Variants in ASB9 observed in about 807,000 individuals in gnomAD.
The protein encoded by ASB9 is ankyrin repeat and SOCS box containing 9, also known as ankyrin repeat and SOCS box protein 9.
ASB9 carries 5 observed loss-of-function variants against 16.6 expected under a neutral mutation model. The ratio of observed to expected loss-of-function variants is 0.30; its 90% CI spans 0.16 to 0.63. The LOEUF is 0.63. ASB9 is among the 30% of genes least tolerant of loss of function. The pLI is 0.82. For synonymous variants in ASB9, 100 were observed against 86.4 expected (o/e 1.16, Z -0.87); for missense variants, 216 against 229.4 (o/e 0.94, Z 0.38).
At chrX:15,252,537 T>A in intron 3 of ASB9, 133 bp from the exon 4 acceptor site, 2 of 656,761 alleles carry the variant, frequency 3.0e-6, no homozygotes, top group Non-Finnish European at 4.4e-6. Flanking sequence ...GAGAAATAAC[T>A]ACGAAATTCC....
chrX:15,260,658 C>T (rs1477942537), intron 1 of ASB9, among the ~76,000 whole-genome samples: 3 of 111,887 alleles, frequency 2.7e-5, no homozygotes, highest in African/African-American at 9.8e-5. Context: ...TACATACAAA[C>T]AAGGTAGAAA....
intron 5 of ASB9, among the ~76,000 whole-genome samples, chrX:15,250,103 G>A (rs1332221607): frequency 1.8e-5 from 2 of 111,656 alleles, no homozygotes; most frequent in South Asian, 3.8e-4. Flanking sequence ...AAGTTATGCA[G>A]GGCTTAATAA....
chrX:15,258,761 G>C (rs1602152012), intron 2 of ASB9, 105 bp downstream of exon 2: 1 of 588,392 alleles, frequency 1.7e-6, no homozygotes, highest in East Asian at 3.4e-5. Flanking sequence ...TCACCACTAG[G>C]TCTTCTATTT....
chrX:15,254,770 A>T lies in ASB9; in HGVS notation c.249T>A (p.Ser83=), dbSNP rs766676737. 8.3e-7 allele frequency: 1 copy of T among 1,210,845 alleles called. No homozygotes were observed. Among genetic ancestry groups the T allele is most frequent in the East Asian group, 3.0e-5 (1 of 33,840 alleles). ...CATGCTTTAATAAAATCTTCACACAAGAGAGATGACCTCCAAGACAGGCTT... is the reference window on the plus strand; with the variant it reads ...CATGCTTTAATAAAATCTTCACACATGAGAGATGACCTCCAAGACAGGCTT... ...LHEACLGGHL[S]CVKILLKHGA... The change falls in exon 3 of 7, where the codon TCT becomes TCA. Residue 83 remains serine (S), a synonymous_variant. Coordinates refer to ENST00000380488, the MANE Select transcript of ASB9 (RefSeq NM_001031739.3).
Position 15,250,543 on chromosome X carries a change from G to T in ASB9, c.455C>A (p.Ser152Tyr), listed in dbSNP as rs767380080. ...AATGTTGCCCCCATAAGCTATAAGAGAGTTGACACACTCCACGTGGCCTGC... is the reference window on the plus strand; with the variant it reads ...AATGTTGCCCCCATAAGCTATAAGATAGTTGACACACTCCACGTGGCCTGC... ...ARRGHVECVN[S>Y]LIAYGGNIDH... Residue 152 changes from serine to tyrosine, a missense_variant, in exon 5 of 7, where the codon TCT becomes TAT. Transcript: ENST00000380488. 8.3e-7 allele frequency: 1 copy of T among 1,206,274 alleles called. No individual in the cohort carries two copies. Among genetic ancestry groups the T allele is most frequent in the South Asian group, 1.8e-5 (1 of 56,306 alleles).
chrX:15,253,578 C>T (rs907275813), intron 3 of ASB9, among the ~76,000 whole-genome samples: 51 of 111,271 alleles, frequency 4.6e-4, no homozygotes, highest in African/African-American at 9.8e-4. Context: ...CCAGCCTGGG[C>T]GACAGAGCGA....
chrX:15,244,075 G>T lies in ASB9; in HGVS notation c.*431C>A, dbSNP rs964966786. 6 of 120,852 alleles carry T rather than the reference G, an allele frequency of 5.0e-5. No homozygotes were observed. The highest frequency in any genetic ancestry group is 1.6e-4 in the African/African-American group (5 of 30,833). The allele number at this position is 120,852 out of a possible 1,213,427, so 10.0% of individuals were successfully genotyped here. ...CAGTGATGCTGGAAAAGCCTGCCTC[G>T]ATCAAGTCATCACATAAGTTAATGT... is the stretch of plus-strand genomic sequence containing the variant. On this transcript the variant is annotated 3_prime_UTR_variant, in exon 7 of 7. Coordinates refer to ENST00000380488, the MANE Select transcript of ASB9 (RefSeq NM_001031739.3).
chrX:15,255,040 G>A lies in ASB9; in HGVS notation c.175-196C>T, dbSNP rs192248088. On this transcript the variant is annotated intron_variant, in intron 2 of 6. Coordinates refer to ENST00000380488, the MANE Select transcript of ASB9 (RefSeq NM_001031739.3). The stretch of plus-strand genomic sequence containing the variant: ...GAGTGTGGTATGGTATAACCACTCA[G>A]GAAAACAGTTTGACTGTATCTATTA... 4.3e-3 allele frequency among the ~76,000 whole-genome samples: 473 copies of A among 110,585 alleles called. 2 individuals are homozygous for A. The highest frequency in any genetic ancestry group is 7.7e-3 in the Non-Finnish European group (410 of 52,923).
At chrX:15,246,233 A>G (rs1924656263) in intron 6 of ASB9, among the ~76,000 whole-genome samples, 1 of 111,848 alleles carries the variant, frequency 8.9e-6, no homozygotes, top group African/African-American at 3.3e-5. Context: ...GTGTATTAAT[A>G]ACTACTGATG....
Position 15,244,488 on chromosome X carries a change from T to A in ASB9, c.*18A>T. On this transcript the variant is annotated 3_prime_UTR_variant, in exon 7 of 7. Transcript: ENST00000380488. The stretch of plus-strand genomic sequence containing the variant: ...ATAATGTTTTCACATCGTTTGTGAA[T>A]CCATTCCCTAGATGCATTTAAAGAT... 4 of 1,186,109 alleles carry A rather than the reference T, an allele frequency of 3.4e-6. No individual in the cohort carries two copies. Among genetic ancestry groups the A allele is most frequent in the Non-Finnish European group, 4.6e-6 (4 of 873,168 alleles).
intron 1 of ASB9, among the ~76,000 whole-genome samples, chrX:15,263,084 C>G (rs1163284091): frequency 3.6e-5 from 4 of 112,135 alleles, no homozygotes; most frequent in African/African-American, 1.3e-4. Context: ...ATTTGTGGAA[C>G]ATTTTTTTCA....
At chrX:15,262,495 G>A (rs911854318) in intron 1 of ASB9, among the ~76,000 whole-genome samples, 2 of 112,470 alleles carry the variant, frequency 1.8e-5, no homozygotes, top group African/African-American at 6.5e-5. Flanking sequence ...GAAGAAAAAC[G>A]TGAGTCCCTG....
At position 15,270,073 on chromosome X, in the gene ASB9, C is replaced by A; in HGVS notation, c.-199G>T. ...CTACCTGTGATCAGAGAGAGGCATG[C>A]GCTCGTGTACACACACACACACACA... On this transcript the variant is annotated 5_prime_UTR_variant, in exon 1 of 7. Transcript: ENST00000380488. The A allele has an allele frequency of 5.7e-6, 2 of 353,386 alleles. No individual in the cohort carries two copies. Among genetic ancestry groups the A allele is most frequent in the Non-Finnish European group, 9.5e-6 (2 of 209,680 alleles). 29.1% of individuals were successfully genotyped at this position (353,386 alleles called of 1,213,427 possible). A position where few individuals can be genotyped will look rare whatever the true frequency, so the allele number is the denominator to read the frequency against.
intron 5 of ASB9, among the ~76,000 whole-genome samples, chrX:15,249,188 G>C (rs1317669262): frequency 8.9e-6 from 1 of 112,292 alleles, no homozygotes; most frequent in African/African-American, 3.2e-5. Context: ...ACTGTACATA[G>C]ATAGGCATGA....
intron 1 of ASB9, among the ~76,000 whole-genome samples, chrX:15,259,320 A>C (rs1196163627): frequency 8.9e-6 from 1 of 112,588 alleles, no homozygotes; most frequent in Non-Finnish European, 1.9e-5. Context: ...CTGTCAGTCT[A>C]GTTTCCTGCA....
At chrX:15,256,055 CAG>C (rs1925508207) in intron 2 of ASB9, among the ~76,000 whole-genome samples, 1 of 111,316 alleles carries the variant, frequency 9.0e-6, no homozygotes, top group African/African-American at 3.3e-5. Context: ...CAGTAGCCTA[CAG>C]AGTCAAATCT....
At position 15,248,845 on chromosome X, in the gene ASB9, T is replaced by C; in HGVS notation, c.659A>G (p.Asp220Gly). The C allele has an allele frequency of 8.3e-7, 1 of 1,211,548 alleles. No homozygotes were observed. Among genetic ancestry groups the C allele is most frequent in the Non-Finnish European group, 1.1e-6 (1 of 895,353 alleles). The change falls in exon 6 of 7, where the codon GAT becomes GGT. Residue 220 changes from aspartate (D) to glycine (G), a missense_variant. Transcript: ENST00000380488. ...CTTGGCCTGGGTGTCCGCTCCAAAA[T>C]CCATGAGCAGGCAGGCCAGCTCTTC... ...ASEELACLLM[D>G]FGADTQAKNA...
chrX:15,247,613 T>A (rs1037038298), intron 6 of ASB9, among the ~76,000 whole-genome samples: 9 of 112,933 alleles, frequency 8.0e-5, no homozygotes, highest in African/African-American at 2.9e-4. Flanking sequence ...TTCTATTCAT[T>A]TTTTATTCTG....
At chrX:15,246,821 G>T (rs1924712161) in intron 6 of ASB9, among the ~76,000 whole-genome samples, 1 of 111,539 alleles carries the variant, frequency 9.0e-6, no homozygotes, top group African/African-American at 3.3e-5. Flanking sequence ...ACTGGGTGAG[G>T]GGGGATGGGG....
Sources: allele counts gnomAD v4.1 joint callset (sites outside exome capture counted in the v4.1 genomes callset), GRCh38; gene constraint gnomAD v4.1.1; transcripts MANE v1.5; gene names NCBI Gene and HGNC (gene_info 2026-07-23, HGNC 2026-07-21).